Variants in JPH2 observed in about 807,000 individuals in gnomAD.
JPH2 encodes the protein junctophilin-2.
JPH2 carries 38 observed loss-of-function variants against 55.9 expected under a neutral mutation model. The ratio of observed to expected loss-of-function variants is 0.68; its 90% CI spans 0.52 to 0.89. The LOEUF is 0.89. JPH2 is among the 40% of genes least tolerant of loss of function. JPH2 has a pLI of 0.00. For synonymous variants in JPH2, 480 were observed against 472.4 expected, an observed-to-expected ratio of 1.02 and a Z score of -0.21; for missense variants, 964 against 1,037.6, an observed-to-expected ratio of 0.93 and a Z score of 0.97.
intron 2 of JPH2, among the ~76,000 whole-genome samples, chr20:44,156,232 C>T (rs777232864): frequency 6.6e-6 from 1 of 152,074 alleles, no homozygotes; most frequent in East Asian, 1.9e-4. Flanking sequence ...GAGTCGTGTG[C>T]CATGTTGGTC....
chr20:44,164,011 G>A (rs1372616371), intron 1 of JPH2, among the ~76,000 whole-genome samples: 3 of 152,216 alleles, frequency 2.0e-5, no homozygotes, highest in South Asian at 2.1e-4. Context: ...TCTCATAGAG[G>A]AAGATGCAAA....
At chr20:44,143,278 AG>A (rs1020633444) in intron 2 of JPH2, among the ~76,000 whole-genome samples, 10 of 152,092 alleles carry the variant, frequency 6.6e-5, no homozygotes, top group Non-Finnish European at 1.3e-4. Flanking sequence ...TTCTCCTGAA[AG>A]CAACACCCCC....
At chr20:44,127,728 TCCAC>T (rs767046211) in intron 2 of JPH2, among the ~76,000 whole-genome samples, 3 of 152,104 alleles carry the variant, frequency 2.0e-5, no homozygotes, top group Admixed American at 1.3e-4. Context: ...GACCTCGTGA[TCCAC>T]CCGCCTCAGC....
rs1200267818 is a variant in JPH2 at position 44,110,511 on chromosome 20, G to A, written c.*3007C>T. On this transcript the variant is annotated 3_prime_UTR_variant, in exon 6 of 6. Transcript: ENST00000372980. Reference sequence around the variant, plus strand: ...TTGATCTTGGCTCACTGCAACCTCCGCCTCCAGGGTTCAAGTGCTTCTCCT... The same window carrying A: ...TTGATCTTGGCTCACTGCAACCTCCACCTCCAGGGTTCAAGTGCTTCTCCT... Among the ~76,000 whole-genome samples the A allele has an allele frequency of 2.6e-5, 4 of 151,554 alleles. 1 individual carries two copies. The highest frequency in any genetic ancestry group is 6.4e-3 in the Middle Eastern group (2 of 314).
chr20:44,162,317 A>T (rs2072616826), intron 1 of JPH2, among the ~76,000 whole-genome samples: 1 of 152,114 alleles, frequency 6.6e-6, no homozygotes, highest in South Asian at 2.1e-4. Flanking sequence ...TTTCCTCCAG[A>T]TATCCTTCAA....
chr20:44,125,552 C>T (rs1287189583), intron 2 of JPH2, among the ~76,000 whole-genome samples: 2 of 152,190 alleles, frequency 1.3e-5, no homozygotes, highest in Non-Finnish European at 2.9e-5. Context: ...TGAGCCAGGT[C>T]CGTCATGTGC....
chr20:44,162,781 T>TAC (rs1192452736), intron 1 of JPH2, among the ~76,000 whole-genome samples: 81 of 70,000 alleles, frequency 1.2e-3, no homozygotes, highest in African/African-American at 1.5e-3. Context: ...TATATATATA[T>TAC]ATATATACAC....
Position 44,107,013 on chromosome 20 carries a change from T to A in JPH2, c.*6505A>T, listed in dbSNP as rs938858088. On this transcript the variant is annotated 3_prime_UTR_variant, in exon 6 of 6. Transcript: ENST00000372980. Reference sequence around the variant, plus strand: ...CAGGCCTGCATCAAGTTAGACTTCTTCCTCTGCCCTGTTCTGCATTTTCCT... The same window carrying A: ...CAGGCCTGCATCAAGTTAGACTTCTACCTCTGCCCTGTTCTGCATTTTCCT... Among the ~76,000 whole-genome samples, 1 of 152,178 alleles carries A rather than the reference T, an allele frequency of 6.6e-6. No homozygotes were observed. The highest frequency in any genetic ancestry group is 1.5e-5 in the Non-Finnish European group (1 of 68,024).
At position 44,112,137 on chromosome 20, in the gene JPH2, C is replaced by G. The variant is rs780594693; in HGVS notation, c.*1381G>C. On this transcript the variant is annotated 3_prime_UTR_variant, in exon 6 of 6. Transcript: ENST00000372980. ...AAGCTGACCCTATCAGAAGCAAACTCCTAGGTCCCAGAGCTGCCTGGGGAG... is the reference window on the plus strand; with the variant it reads ...AAGCTGACCCTATCAGAAGCAAACTGCTAGGTCCCAGAGCTGCCTGGGGAG... The G allele has an allele frequency of 6.6e-6, 1 of 152,368 alleles. No individual in the cohort carries two copies. The highest frequency in any genetic ancestry group is 1.5e-5 in the Non-Finnish European group (1 of 68,162). 9.4% of individuals were successfully genotyped at this position (152,368 alleles called of 1,614,324 possible). A position where few individuals can be genotyped will look rare whatever the true frequency, so the allele number is the denominator to read the frequency against.
intron 4 of JPH2, among the ~76,000 whole-genome samples, chr20:44,115,307 C>CA (rs2072179614): frequency 6.6e-6 from 1 of 152,118 alleles, no homozygotes; most frequent in South Asian, 2.1e-4. Context: ...CTCACTGCTA[C>CA]ACCTTGTAGC....
At chr20:44,183,768 A>C (rs769030549) in intron 1 of JPH2, among the ~76,000 whole-genome samples, 1 of 152,212 alleles carries the variant, frequency 6.6e-6, no homozygotes, top group Non-Finnish European at 1.5e-5. Flanking sequence ...TTTCCAATGC[A>C]GCTCATTAGG....
chr20:44,180,433 G>A (rs2145898623), intron 1 of JPH2, among the ~76,000 whole-genome samples: 2 of 152,162 alleles, frequency 1.3e-5, no homozygotes, highest in South Asian at 4.1e-4. Flanking sequence ...CCGGGCTCAA[G>A]CGATCCTCCC....
intron 1 of JPH2, among the ~76,000 whole-genome samples, chr20:44,179,256 C>T (rs1297043821): frequency 1.3e-5 from 2 of 152,128 alleles, no homozygotes; most frequent in Non-Finnish European, 2.9e-5. Context: ...GAAGGGAAAT[C>T]TTGTTCCATG....
intron 1 of JPH2, among the ~76,000 whole-genome samples, chr20:44,165,540 CAT>C (rs2072650079): frequency 6.6e-6 from 1 of 152,166 alleles, no homozygotes; most frequent in Admixed American, 6.5e-5. Flanking sequence ...ATTTTGTTCA[CAT>C]GTGTTAAGTC....
At chr20:44,169,173 ATTTT>A (rs59206814) in intron 1 of JPH2, among the ~76,000 whole-genome samples, 26,823 of 136,520 alleles carry the variant, frequency 0.2, 2,704 homozygotes, top group Non-Finnish European at 0.26. Flanking sequence ...GGCCTTGGGT[ATTTT>A]TTTTTTTTTT....
rs1346917695 is a variant in JPH2 at position 44,115,844 on chromosome 20, C to G, written c.1831G>C (p.Gly611Arg). ...GGGGTCTCGCGTGCAGGCTCGGGGCCTCGGAGCGTGGGGGCCTGCAGCGGG... is the reference window on the plus strand; with the variant it reads ...GGGGTCTCGCGTGCAGGCTCGGGGCGTCGGAGCGTGGGGGCCTGCAGCGGG... ...TAPLQAPTLR[G>R]PEPARETPAK... Residue 611 changes from glycine to arginine, a missense_variant, in exon 4 of 6, where the codon GGC becomes CGC. Gly to Arg is a moderately radical substitution (Grantham distance 125). Transcript: ENST00000372980. 2 of 1,595,048 alleles carry G rather than the reference C, an allele frequency of 1.3e-6. No homozygotes were observed. The highest frequency in any genetic ancestry group is 1.1e-5 in the South Asian group (1 of 90,640).
rs2072587192 is a variant in JPH2, at chr20:44,159,379, A to G, written c.1169+239T>C. Among the ~76,000 whole-genome samples the G allele has an allele frequency of 6.6e-6, 1 of 151,926 alleles. No homozygotes were observed. The highest frequency in any genetic ancestry group is 1.5e-5 in the Non-Finnish European group (1 of 67,952). On this transcript the variant is annotated intron_variant, in intron 2 of 5. Coordinates refer to ENST00000372980, the MANE Select transcript of JPH2 (RefSeq NM_020433.5). The surrounding 1 kb of genome is among the most constrained non-coding windows in gnomAD (Gnocchi z 5.7). ...AGATGGCTGTTCAGGTGGATATTAG[A>G]AAGGTTGGGTGAGTGGTAGGGTTAA...
intron 1 of JPH2, among the ~76,000 whole-genome samples, chr20:44,169,448 G>A (rs935213209): frequency 2.2e-4 from 34 of 152,136 alleles, no homozygotes; most frequent in African/African-American, 8.0e-4. Flanking sequence ...AAAGTGCTGG[G>A]ATTACAGGCA....
At chr20:44,132,282 A>G (rs2072324209) in intron 2 of JPH2, among the ~76,000 whole-genome samples, 1 of 151,496 alleles carries the variant, frequency 6.6e-6, no homozygotes, top group African/African-American at 2.4e-5. Flanking sequence ...GAGAATATTT[A>G]TGGAAAGATA....
Sources: gnomAD v4.1 joint callset for allele counts (sites outside exome capture counted in the v4.1 genomes callset) on GRCh38, gnomAD v4.1.1 for gene constraint, Gnocchi (gnomAD v3.1) non-coding constraint, MANE v1.5 for transcripts, NCBI Gene and HGNC (gene_info 2026-07-23, HGNC 2026-07-21) for gene names.